The following OR51E2 variants were observed in gnomAD, a reference collection of about 807,000 sequenced individuals.
OR51E2 encodes the protein olfactory receptor family 51 subfamily E member 2, also known as olfactory receptor 51E2.
In OR51E2, 14 loss-of-function variants were observed where a neutral mutation model predicts 13.7. The observed-to-expected ratio is 1.02, with a 90% CI of 0.68 to 1.60. OR51E2 has a LOEUF of 1.60. Among genes scored for constraint, OR51E2 ranks in the 40% most tolerant of loss-of-function variants. OR51E2 has a pLI of 0.00. For missense variants in OR51E2, 483 were observed against 413.8 expected (o/e 1.17, Z -1.45); for synonymous variants, 180 against 157.6 (o/e 1.14, Z -1.07).
rs1471002481 is a variant in OR51E2, at chr11:4,682,013, C to T, written c.699G>A (p.Arg233=). ...TVLQLPSKSE[R]AKAFGTCVSH... ...ACACACAGGTTCCAAAGGCCTTGGCCCGCTCTGACTTGGAAGGCAGTTGCA... is the reference window on the plus strand; with the variant it reads ...ACACACAGGTTCCAAAGGCCTTGGCTCGCTCTGACTTGGAAGGCAGTTGCA... The change falls in exon 2 of 2, where the codon CGG becomes CGA. Residue 233 remains arginine, a synonymous_variant. Transcript: ENST00000396950. 6.2e-7 allele frequency: 1 copy of T among 1,614,198 alleles called. No individual in the cohort carries two copies. The highest frequency in any genetic ancestry group is 8.5e-7 in the Non-Finnish European group (1 of 1,180,042).
chr11:4,690,828 A>G, intron 1 of OR51E2: 1 of 453,806 alleles, frequency 2.2e-6, no homozygotes, highest in South Asian at 1.6e-5. Flanking sequence ...ACTGTAGATG[A>G]CAGGGTTCAT....
At chr11:4,696,464 A>G (rs1200524651) in intron 1 of OR51E2, among the ~76,000 whole-genome samples, 3 of 152,230 alleles carry the variant, frequency 2.0e-5, no homozygotes, top group Admixed American at 6.5e-5. Context: ...AAAAGATGAG[A>G]ACCTCGGGAG....
At chr11:4,683,728 C>T (rs1464600376) in intron 1 of OR51E2, among the ~76,000 whole-genome samples, 3 of 152,208 alleles carry the variant, frequency 2.0e-5, no homozygotes, top group Non-Finnish European at 1.5e-5. Context: ...TCAGGGGAGA[C>T]ATTTCTTTTT....
intron 1 of OR51E2, among the ~76,000 whole-genome samples, chr11:4,688,225 A>G (rs1349844023): frequency 6.6e-6 from 1 of 152,148 alleles, no homozygotes; most frequent in Non-Finnish European, 1.5e-5. Context: ...ATGAGAGTGA[A>G]TTCAGGAGGA....
At position 4,681,667 on chromosome 11, in the gene OR51E2, T is replaced by A; in HGVS notation, c.*82A>T. 1 of 1,523,448 alleles carries A rather than the reference T, an allele frequency of 6.6e-7. No homozygotes were observed. The highest frequency in any genetic ancestry group is 9.0e-7 in the Non-Finnish European group (1 of 1,111,260). 94.4% of individuals were successfully genotyped at this position (1,523,448 alleles called of 1,614,324 possible). A position where few individuals can be genotyped will look rare whatever the true frequency, so the allele number is the denominator to read the frequency against. ...CCAGAGAAAAGTACTGATGTGCTTA[T>A]GGGCAACTGGAAATAAGCTAGTGTT... On this transcript the variant is annotated 3_prime_UTR_variant, in exon 2 of 2. Transcript: ENST00000396950.
In OR51E2 at chr11:4,682,076, G is replaced by A. The variant is rs1363350527; in HGVS notation, c.636C>T (p.Phe212=). 8.7e-6 allele frequency: 14 copies of A among 1,614,182 alleles called. No individual in the cohort carries two copies. The highest frequency in any genetic ancestry group is 1.2e-5 in the Non-Finnish European group (14 of 1,180,030). ...TTATCAGAAAATAGGACAAGGAGAT[G>A]AACATTACGTCCACGCCCATGACCA... ...ILLVMGVDVM[F]ISLSYFLIIR... The change falls in exon 2 of 2, where the codon TTC becomes TTT. Residue 212 remains phenylalanine, a synonymous_variant. Transcript: ENST00000396950.
intron 1 of OR51E2, chr11:4,692,095 T>C: frequency 2.3e-6 from 1 of 431,412 alleles, no homozygotes; most frequent in Admixed American, 2.8e-5. Context: ...TAGTGCATTA[T>C]TTTTCCTCTA....
At chr11:4,685,820 C>T (rs916447199) in intron 1 of OR51E2, 1 of 152,234 alleles carries the variant, frequency 6.6e-6, no homozygotes, top group Non-Finnish European at 1.5e-5. Context: ...CTCAGTACCT[C>T]ATGATGCTTG....
At position 4,682,732 on chromosome 11, in the gene OR51E2, G is replaced by A; in HGVS notation, c.-21C>T. On this transcript the variant is annotated 5_prime_UTR_variant, in exon 2 of 2. Transcript: ENST00000396950. ...CTCATAGCTGGAACTGAGGAGGGGT[G>A]ACTGGAGAGGGTGAGGTCACACTGG... 6.2e-7 allele frequency: 1 copy of A among 1,605,126 alleles called. No individual in the cohort carries two copies.
chr11:4,696,623 T>C (rs1433770521), intron 1 of OR51E2, among the ~76,000 whole-genome samples: 1 of 152,120 alleles, frequency 6.6e-6, no homozygotes, highest in Non-Finnish European at 1.5e-5. Context: ...GCACTAAATT[T>C]CCCCCAAGCT....
rs758245701 is a variant in OR51E2, at chr11:4,682,347, T to A, written c.365A>T (p.Tyr122Phe). 7.4e-6 allele frequency: 12 copies of A among 1,614,034 alleles called. No individual in the cohort carries two copies. Among genetic ancestry groups the A allele is most frequent in the Admixed American group, 1.7e-5 (1 of 60,000 alleles). ...GCGCAGTGGGTGGCAGATGGCCACA[T>A]AACGGTCAAAGGCCATGGCCAGCAG... is the stretch of plus-strand genomic sequence containing the variant. ...TILLAMAFDR[Y>F]VAICHPLRHA... Residue 122 changes from tyrosine (Y) to phenylalanine (F), a missense_variant, in exon 2 of 2, where the codon TAT becomes TTT. Physicochemically the swap from Tyr to Phe is conservative, Grantham distance 22. Coordinates refer to ENST00000396950, the MANE Select transcript of OR51E2 (RefSeq NM_030774.4).
At position 4,682,255 on chromosome 11, in the gene OR51E2, G is replaced by T; in HGVS notation, c.457C>A (p.Leu153Ile). The T allele has an allele frequency of 6.2e-7, 1 of 1,614,158 alleles. No individual in the cohort carries two copies. Among genetic ancestry groups the T allele is most frequent in the Non-Finnish European group, 8.5e-7 (1 of 1,180,024 alleles). ...AGCAGAGGCAGTGGGAAAAAAAAGA[G>T]GGATCCGCGGACCACAGCCACGATG... The part of the protein sequence containing the change: ...IGIVAVVRGS[L>I]FFFPLPLLIK... Residue 153 changes from leucine (L) to isoleucine (I), a missense_variant, in exon 2 of 2, where the codon CTC becomes ATC. Leu to Ile is a conservative substitution (Grantham distance 5). Coordinates refer to ENST00000396950, the MANE Select transcript of OR51E2 (RefSeq NM_030774.4).
chr11:4,694,748 G>A (rs946082084), intron 1 of OR51E2, among the ~76,000 whole-genome samples: 1 of 152,150 alleles, frequency 6.6e-6, no homozygotes, highest in African/African-American at 2.4e-5. Flanking sequence ...GTTGTAGAGT[G>A]TATAAGGATA....
At chr11:4,686,208 A>G (rs549903480) in intron 1 of OR51E2, among the ~76,000 whole-genome samples, 1 of 152,362 alleles carries the variant, frequency 6.6e-6, no homozygotes, top group African/African-American at 2.4e-5. Context: ...ATGGTATGAA[A>G]GAGCAGTGAA....
chr11:4,693,653 G>A (rs537043397), intron 1 of OR51E2, among the ~76,000 whole-genome samples: 54 of 152,204 alleles, frequency 3.5e-4, no homozygotes, highest in Non-Finnish European at 6.2e-4. Flanking sequence ...CCTGGAAGGC[G>A]GAGCTTCCAG....
chr11:4,687,104 TAAA>T (rs1847525496), intron 1 of OR51E2, among the ~76,000 whole-genome samples: 1 of 152,130 alleles, frequency 6.6e-6, no homozygotes, highest in Admixed American at 6.5e-5. Flanking sequence ...CAGAAACAAA[TAAA>T]CAAAAAATCT....
chr11:4,690,838 T>C, intron 1 of OR51E2: 1 of 455,378 alleles, frequency 2.2e-6, no homozygotes, highest in Non-Finnish European at 4.4e-6. Flanking sequence ...ACAGGGTTCA[T>C]CAAAGGGGAG....
At chr11:4,684,318 A>G (rs1847491359) in intron 1 of OR51E2, among the ~76,000 whole-genome samples, 1 of 152,186 alleles carries the variant, frequency 6.6e-6, no homozygotes, top group Non-Finnish European at 1.5e-5. Flanking sequence ...GAAGCAGATG[A>G]TTGCATCCTT....
chr11:4,693,755 C>A (rs1473718763), intron 1 of OR51E2, among the ~76,000 whole-genome samples: 1 of 152,024 alleles, frequency 6.6e-6, no homozygotes. Context: ...AACTGTTGAG[C>A]AACAGTGCAC....
Sources: allele counts gnomAD v4.1 joint callset (sites outside exome capture counted in the v4.1 genomes callset), GRCh38; gene constraint gnomAD v4.1.1; transcripts MANE v1.5; gene names NCBI Gene and HGNC (gene_info 2026-07-23, HGNC 2026-07-21).